The following RPAP2 variants were observed in gnomAD, a reference collection of about 807,000 sequenced individuals.
RPAP2 encodes the protein RNA polymerase II associated protein 2, also known as putative RNA polymerase II subunit B1 CTD phosphatase RPAP2.
Under a neutral mutation model 73.1 loss-of-function variants are expected in RPAP2, and 52 were observed. The ratio of observed to expected loss-of-function variants is 0.71; its 90% CI spans 0.57 to 0.90. RPAP2 has a LOEUF of 0.90. RPAP2 is among the 40% of genes least tolerant of loss of function. The pLI is 0.00. For missense variants in RPAP2, 598 were observed against 701.8 expected (o/e 0.85, Z 1.67); for synonymous variants, 225 against 242.1 (o/e 0.93, Z 0.65).
intron 6 of RPAP2, 48 bp from the exon 7 acceptor site, chr1:92,320,551 T>G: frequency 2.0e-5 from 32 of 1,565,848 alleles, no homozygotes; most frequent in Non-Finnish European, 2.5e-5. Context: ...GTTACAGGCA[T>G]GAGCCACCGC....
At chr1:92,382,652 T>C (rs564474782) in intron 12 of RPAP2, among the ~76,000 whole-genome samples, 4 of 152,348 alleles carry the variant, frequency 2.6e-5, no homozygotes, top group Non-Finnish European at 5.9e-5. Flanking sequence ...TTGAGTTCAT[T>C]GTAGATTCTG....
chr1:92,299,325 G>T (rs1165889842), intron 1 of RPAP2, among the ~76,000 whole-genome samples, 179 bp downstream of exon 1: 2 of 152,170 alleles, frequency 1.3e-5, no homozygotes, highest in African/African-American at 4.8e-5. Flanking sequence ...TTTCCTGGCC[G>T]CCCCTCACCC....
chr1:92,385,402 T>C (rs1655826865), intron 12 of RPAP2, among the ~76,000 whole-genome samples: 1 of 152,226 alleles, frequency 6.6e-6, no homozygotes. Flanking sequence ...TTTATTTACA[T>C]TGTTCATTTG....
intron 3 of RPAP2, among the ~76,000 whole-genome samples, chr1:92,302,566 C>T (rs1189090870): frequency 2.8e-5 from 4 of 141,656 alleles, no homozygotes; most frequent in Non-Finnish European, 6.1e-5. Flanking sequence ...CAACATAAAA[C>T]GGGAGAATTA....
At position 92,399,918 on chromosome 1, in the gene RPAP2, C is replaced by A. The variant is rs1656273854; in HGVS notation, c.*12907C>A. The A allele has an allele frequency of 6.6e-6, 1 of 152,164 alleles. No individual in the cohort carries two copies. Among genetic ancestry groups the A allele is most frequent in the Non-Finnish European group, 1.5e-5 (1 of 68,028 alleles). 9.4% of individuals were successfully genotyped at this position (152,164 alleles called of 1,614,324 possible). A position where few individuals can be genotyped will look rare whatever the true frequency, so the allele number is the denominator to read the frequency against. On this transcript the variant is annotated 3_prime_UTR_variant, in exon 13 of 13. Transcript: ENST00000610020. Reference sequence around the variant, plus strand: ...GGGTTGGGCATCCAGATAAGATTTTCTTCGTACAAAGAGTCTTGCTACTAG... The same window carrying A: ...GGGTTGGGCATCCAGATAAGATTTTATTCGTACAAAGAGTCTTGCTACTAG...
intron 10 of RPAP2, among the ~76,000 whole-genome samples, chr1:92,340,803 C>T (rs1426528488): frequency 6.6e-6 from 1 of 152,252 alleles, no homozygotes; most frequent in East Asian, 1.9e-4. Context: ...TAGAATGTTA[C>T]ATTGGTTTAC....
At chr1:92,300,265 A>G (rs1650724340) in intron 2 of RPAP2, 26 bp downstream of exon 2, 9 of 1,565,806 alleles carry the variant, frequency 5.7e-6, no homozygotes, top group African/African-American at 1.4e-5. Flanking sequence ...GGACAACTAC[A>G]TTGGCATATC....
rs1305565835 is a variant in RPAP2 at position 92,321,902 on chromosome 1, A to AT, written c.524+1279dup. ...TTCAAATCTAAACACAATTCCTGTA[A>AT]TTTTTTTTTTTATTTAAGAAACCGA... On this transcript the variant is annotated intron_variant, in intron 7 of 12. Transcript: ENST00000610020. 9.3e-3 allele frequency among the ~76,000 whole-genome samples: 1,166 copies of AT among 125,960 alleles called. 6 individuals carry two copies. The highest frequency in any genetic ancestry group is 0.031 in the African/African-American group (1,086 of 34,498). The allele number at this position is 125,960 out of a possible 152,430, so 82.6% of individuals were successfully genotyped here. A position where few individuals can be genotyped will look rare whatever the true frequency, so the allele number is the denominator to read the frequency against.
intron 8 of RPAP2, among the ~76,000 whole-genome samples, chr1:92,325,895 G>A (rs1231665122): frequency 6.6e-6 from 1 of 151,784 alleles, no homozygotes; most frequent in East Asian, 1.9e-4. Context: ...TTTTATTGCT[G>A]TATAGTATTC....
chr1:92,305,303 G>A (rs1345418421), intron 5 of RPAP2, among the ~76,000 whole-genome samples: 1 of 150,756 alleles, frequency 6.6e-6, no homozygotes, highest in Non-Finnish European at 1.5e-5. Context: ...CGTGATGGCG[G>A]GCGCCTGTAG....
At chr1:92,300,143 G>A (rs767282508) in intron 1 of RPAP2, 51 bp from the exon 2 acceptor site, 5 of 1,287,252 alleles carry the variant, frequency 3.9e-6, no homozygotes, top group East Asian at 2.3e-5. Context: ...TATGCTGTCC[G>A]TCGTTTACGG....
At chr1:92,378,505 G>A (rs1320529056) in intron 11 of RPAP2, among the ~76,000 whole-genome samples, 3 of 152,036 alleles carry the variant, frequency 2.0e-5, no homozygotes, top group Admixed American at 6.6e-5. Flanking sequence ...GAGCCATCGC[G>A]CCCGGCCAGT....
At chr1:92,322,792 G>A (rs1489318737) in intron 7 of RPAP2, among the ~76,000 whole-genome samples, 3 of 151,198 alleles carry the variant, frequency 2.0e-5, no homozygotes, top group Middle Eastern at 3.2e-3. Flanking sequence ...TGGGAGAATC[G>A]CTTGAACCTA....
Position 92,314,159 on chromosome 1 carries a change from C to T in RPAP2, c.489-6440C>T, listed in dbSNP as rs566795401. Among the ~76,000 whole-genome samples the T allele has an allele frequency of 7.2e-5, 11 of 152,294 alleles. No individual in the cohort carries two copies. In the South Asian group the frequency reaches 2.3e-3, roughly 32 times the overall value. On this transcript the variant is annotated intron_variant, in intron 6 of 12. Transcript: ENST00000610020. The stretch of plus-strand genomic sequence containing the variant: ...ACTTTTCTTTTGCATTCACAACTTG[C>T]GTACTGGCAAAATAGGCCTAGCTTT...
intron 6 of RPAP2, among the ~76,000 whole-genome samples, chr1:92,308,561 C>G (rs1453292797): frequency 6.6e-6 from 1 of 152,130 alleles, no homozygotes; most frequent in East Asian, 1.9e-4. Context: ...TTTGTGCCAC[C>G]CTCATATCTA....
chr1:92,368,136 A>G (rs1238388633), intron 11 of RPAP2, among the ~76,000 whole-genome samples: 3 of 152,128 alleles, frequency 2.0e-5, no homozygotes, highest in African/African-American at 7.2e-5. Context: ...TAAAAATCCA[A>G]GTTCATGGCT....
At chr1:92,320,095 A>G (rs1018860666) in intron 6 of RPAP2, among the ~76,000 whole-genome samples, 2 of 152,134 alleles carry the variant, frequency 1.3e-5, no homozygotes, top group Admixed American at 6.5e-5. Context: ...TTAATTGTAC[A>G]GACAATGATG....
chr1:92,316,171 T>C (rs538355740), intron 6 of RPAP2, among the ~76,000 whole-genome samples: 1 of 152,228 alleles, frequency 6.6e-6, no homozygotes, highest in East Asian at 1.9e-4. Context: ...GGGTGAATGG[T>C]TAATGCTGAC....
At chr1:92,357,693 A>T (rs1483551616) in intron 11 of RPAP2, among the ~76,000 whole-genome samples, 1 of 152,104 alleles carries the variant, frequency 6.6e-6, no homozygotes, top group African/African-American at 2.4e-5. Context: ...CACCACACCC[A>T]GCTAATTTTT....
Sources: gnomAD v4.1 joint callset for allele counts (sites outside exome capture counted in the v4.1 genomes callset) on GRCh38, gnomAD v4.1.1 for gene constraint, MANE v1.5 for transcripts, NCBI Gene and HGNC (gene_info 2026-07-23, HGNC 2026-07-21) for gene names.